Variants in ARL17A observed in about 807,000 individuals in gnomAD.
ARL17A encodes the protein ARF like GTPase 17A.
intron 4 of ARL17A, among the ~76,000 whole-genome samples, chr17:46,530,419 C>T (rs542778794): frequency 8.3e-5 from 12 of 144,534 alleles, no homozygotes; most frequent in African/African-American, 2.9e-4. Flanking sequence ...TGTTACAAAA[C>T]AAGTTAATGG....
rs1308114313 is a variant in ARL17A, at chr17:46,552,978, C to A, written c.*4378G>T. ...GCTGAGGTGGGCGGATCACTGGAGC[C>A]CAGGAGGTTGAGGCTACAGTGAGCT... On this transcript the variant is annotated 3_prime_UTR_variant, in exon 4 of 4. Coordinates refer to ENST00000336125, the MANE Select transcript of ARL17A (RefSeq NM_001113738.2). 1.4e-5 allele frequency among the ~76,000 whole-genome samples: 2 copies of A among 142,236 alleles called. No individual in the cohort carries two copies. The highest frequency in any genetic ancestry group is 7.0e-5 in the Admixed American group (1 of 14,386). The allele number at this position is 142,236 out of a possible 152,430, so 93.3% of individuals were successfully genotyped here.
chr17:46,569,216 G>A (rs1300057090), intron 3 of ARL17A, among the ~76,000 whole-genome samples: 3 of 151,666 alleles, frequency 2.0e-5, no homozygotes, highest in Non-Finnish European at 4.4e-5. Flanking sequence ...CCAAAGTGCT[G>A]GGATTACAGG....
chr17:46,543,768 G>A (rs1348579694), intron 3 of ARL17A, among the ~76,000 whole-genome samples: 1 of 150,916 alleles, frequency 6.6e-6, no homozygotes, highest in African/African-American at 2.5e-5. Context: ...ATGTTTCCCA[G>A]CCATCCTAAG....
At chr17:46,543,093 G>C (rs541566445) in intron 3 of ARL17A, among the ~76,000 whole-genome samples, 1 of 149,920 alleles carries the variant, frequency 6.7e-6, no homozygotes, top group South Asian at 2.1e-4. Flanking sequence ...GTGAGGATCT[G>C]TCTGCTTTTT....
chr17:46,501,001 G>A, the ARL17A span, among the ~76,000 whole-genome samples: 1 of 151,126 alleles, frequency 6.6e-6, no homozygotes, highest in African/African-American at 2.5e-5. Context: ...CTAACATGGT[G>A]AGACCCCGTC....
At chr17:46,542,532 G>GATATAT (rs1024761002) in intron 3 of ARL17A, among the ~76,000 whole-genome samples, 9 of 146,156 alleles carry the variant, frequency 6.2e-5, no homozygotes, top group South Asian at 2.1e-4. Flanking sequence ...TATAGATATA[G>GATATAT]ATATATATAT....
chr17:46,532,121 A>G (rs1484302049), intron 4 of ARL17A, among the ~76,000 whole-genome samples: 2 of 149,936 alleles, frequency 1.3e-5, no homozygotes, highest in African/African-American at 2.5e-5. Context: ...CTGCTCTCGA[A>G]CTCCTAACCT....
the ARL17A span, among the ~76,000 whole-genome samples, chr17:46,504,869 TATTA>T: frequency 1.5e-3 from 189 of 124,206 alleles, 30 homozygotes; most frequent in Non-Finnish European, 2.3e-3. Context: ...TACATTGATT[TATTA>T]ATTAATAAAT....
At chr17:46,502,950 C>T in the ARL17A span, among the ~76,000 whole-genome samples, 5 of 150,700 alleles carry the variant, frequency 3.3e-5, no homozygotes, top group East Asian at 2.0e-4. Flanking sequence ...TGGTGGCTCA[C>T]GCCTGTAATC....
intron 2 of ARL17A, among the ~76,000 whole-genome samples, chr17:46,572,993 G>C (rs1330256272): frequency 1.2e-4 from 3 of 25,708 alleles, no homozygotes; most frequent in African/African-American, 2.3e-4. Flanking sequence ...GAGGGAGGGA[G>C]GGAGGAAGGG....
downstream of ARL17A, among the ~76,000 whole-genome samples, chr17:46,525,614 A>AATAATC (rs1363048681): frequency 4.6e-4 from 53 of 114,412 alleles, 2 homozygotes; most frequent in African/African-American, 1.1e-3. Flanking sequence ...TAATAATAAT[A>AATAATC]ATCATCATCA....
rs766255014 is a variant in ARL17A at position 46,537,077 on chromosome 17, ATTTTTTTTTTT to A, written c.335+1263_335+1273del. Among the ~76,000 whole-genome samples, 302 of 34,816 alleles carry A rather than the reference ATTTTTTTTTTT, an allele frequency of 8.7e-3. 5 individuals are homozygous for A. The highest frequency in any genetic ancestry group is 0.037 in the African/African-American group (190 of 5,126). The allele number at this position is 34,816 out of a possible 152,430, so 22.8% of individuals were successfully genotyped here. A position where few individuals can be genotyped will look rare whatever the true frequency, so the allele number is the denominator to read the frequency against. On this transcript the variant is annotated intron_variant, in intron 4 of 4. Transcript: ENST00000329240. ...GTTCTGAAAAAGTTTATTGTGGTCA[ATTTTTTTTTTT>A]TTTTTTTTTTTTTTTTTTGCTATTT... is the stretch of plus-strand genomic sequence containing the variant.
the ARL17A span, among the ~76,000 whole-genome samples, chr17:46,503,084 C>A: frequency 1.3e-5 from 2 of 150,488 alleles, 1 homozygote; most frequent in African/African-American, 5.0e-5. Flanking sequence ...TGGTGGGGGG[C>A]GCCTGTAGTC....
downstream of ARL17A, among the ~76,000 whole-genome samples, chr17:46,551,298 ATTAC>A (rs1351029282): frequency 1.2e-4 from 18 of 150,194 alleles, 1 homozygote; most frequent in Middle Eastern, 0.017. Context: ...TACATGATGT[ATTAC>A]TTTTCCCAAC....
chr17:46,543,073 C>T (rs1310970285), intron 3 of ARL17A, among the ~76,000 whole-genome samples: 1 of 149,802 alleles, frequency 6.7e-6, no homozygotes, highest in Non-Finnish European at 1.5e-5. Flanking sequence ...TCACTTAGTT[C>T]TCTAAGATAG....
At chr17:46,569,196 C>G (rs1305557792) in intron 3 of ARL17A, among the ~76,000 whole-genome samples, 6 of 151,798 alleles carry the variant, frequency 4.0e-5, no homozygotes, top group African/African-American at 1.5e-4. Context: ...GATCCACCAG[C>G]CTTGGCTTCC....
chr17:46,532,118 C>T (rs1195784117), intron 4 of ARL17A, among the ~76,000 whole-genome samples: 10 of 150,122 alleles, frequency 6.7e-5, no homozygotes, highest in Non-Finnish European at 8.8e-5. Context: ...AGGCTGCTCT[C>T]GAACTCCTAA....
At chr17:46,569,099 A>C (rs1191871553) in intron 3 of ARL17A, among the ~76,000 whole-genome samples, 1 of 148,688 alleles carries the variant, frequency 6.7e-6, no homozygotes, top group Non-Finnish European at 1.5e-5. Context: ...TGCACCACCA[A>C]GCCTGGCTAA....
chr17:46,550,705 G>A (rs1377505206), downstream of ARL17A: 6 of 618,086 alleles, frequency 9.7e-6, no homozygotes, highest in Admixed American at 1.4e-4. Context: ...ATTTTTAAAG[G>A]ATCCTCGCTT....
Sources: gnomAD v4.1 joint callset for allele counts (sites outside exome capture counted in the v4.1 genomes callset) on GRCh38, gnomAD v4.1.1 for gene constraint, MANE v1.5 for transcripts, NCBI Gene and HGNC (gene_info 2026-07-23, HGNC 2026-07-21) for gene names.